The following PKP4 variants were observed in gnomAD, a reference collection of about 807,000 sequenced individuals.
PKP4 encodes the protein plakophilin-4.
A neutral mutation model predicts 145.1 loss-of-function variants in PKP4; 90 were observed. The ratio of observed to expected loss-of-function variants is 0.62; its 90% CI spans 0.52 to 0.74. PKP4 has a LOEUF of 0.74. Among genes scored for constraint, PKP4 ranks in the 30% least tolerant of loss-of-function variants. The probability of loss-of-function intolerance (pLI) is 0.00; values close to 1 mark genes in which losing one functional copy is unlikely to be tolerated. For synonymous variants in PKP4, 563 were observed against 577.2 expected (o/e 0.98, Z 0.35); for missense variants, 1,340 against 1,482.7 (o/e 0.90, Z 1.58).
In PKP4 at chr2:158,613,758, A is replaced by G. The variant is rs553729888; in HGVS notation, c.281-7232A>G. On this transcript the variant is annotated intron_variant, in intron 4 of 21. Coordinates refer to ENST00000389759, the MANE Select transcript of PKP4 (RefSeq NM_003628.6). ...TTGTAATGTGAAAGGTGTGATGTAC[A>G]TGGCACCATTCATAAAGTATGCTAC... is the stretch of plus-strand genomic sequence containing the variant. Among the ~76,000 whole-genome samples the G allele has an allele frequency of 1.0e-3, 154 of 152,310 alleles. No individual in the cohort carries two copies. The Middle Eastern group carries it at 0.01, about 10-fold the overall frequency.
At chr2:158,463,051 A>G (rs1559172696) in intron 1 of PKP4, among the ~76,000 whole-genome samples, 1 of 152,202 alleles carries the variant, frequency 6.6e-6, no homozygotes, top group African/African-American at 2.4e-5. Context: ...TTTCAACAGG[A>G]TATTTCAGAG....
intron 17 of PKP4, among the ~76,000 whole-genome samples, chr2:158,670,324 C>A (rs558840187): frequency 1.8e-4 from 27 of 152,238 alleles, no homozygotes; most frequent in African/African-American, 5.1e-4. Context: ...ATAGATGGTG[C>A]CTTTCAGCTG....
At chr2:158,480,469 T>A (rs1465987377) in intron 1 of PKP4, among the ~76,000 whole-genome samples, 1 of 151,810 alleles carries the variant, frequency 6.6e-6, no homozygotes, top group Non-Finnish European at 1.5e-5. Context: ...ACTACTGACC[T>A]CAAGTGATTC....
chr2:158,656,176 G>A (rs2528586), intron 11 of PKP4, among the ~76,000 whole-genome samples: 126,025 of 152,056 alleles, frequency 0.83, 53,512 homozygotes, highest in East Asian at 0.97. Flanking sequence ...TTCTTCCTCA[G>A]TTCCTCACAT....
chr2:158,659,563 G>A (rs554982452), intron 12 of PKP4: 1 of 152,350 alleles, frequency 6.6e-6, no homozygotes, highest in Non-Finnish European at 1.5e-5. Flanking sequence ...CAAATAGGGT[G>A]ATGTGAGGGT....
chr2:158,529,867 T>C (rs2043360661), intron 1 of PKP4, among the ~76,000 whole-genome samples: 1 of 152,186 alleles, frequency 6.6e-6, no homozygotes, highest in Non-Finnish European at 1.5e-5. Context: ...TCTGCCAAAT[T>C]CCATATTCTT....
intron 2 of PKP4, among the ~76,000 whole-genome samples, chr2:158,555,533 C>T (rs950572811): frequency 2.0e-5 from 3 of 152,198 alleles, no homozygotes; most frequent in Non-Finnish European, 4.4e-5. Flanking sequence ...AAATGCTTCT[C>T]TGTTCTTTGA....
chr2:158,470,013 C>G (rs1691299069), intron 1 of PKP4, among the ~76,000 whole-genome samples: 2 of 152,200 alleles, frequency 1.3e-5, no homozygotes, highest in South Asian at 4.1e-4. Context: ...AACCTTCCCA[C>G]CTGTGCTTGT....
intron 1 of PKP4, among the ~76,000 whole-genome samples, chr2:158,493,969 A>G (rs1464552749): frequency 1.3e-5 from 2 of 152,196 alleles, no homozygotes; most frequent in African/African-American, 4.8e-5. Flanking sequence ...AAATGAATGG[A>G]GTCCAGGGGT....
chr2:158,621,747 A>G (rs2052281541), intron 6 of PKP4, among the ~76,000 whole-genome samples: 1 of 151,670 alleles, frequency 6.6e-6, no homozygotes, highest in Admixed American at 6.6e-5. Context: ...CTCCGTCTCA[A>G]AACAAAAAAA....
chr2:158,556,861 T>C (rs1482690223), intron 2 of PKP4, among the ~76,000 whole-genome samples: 2 of 152,214 alleles, frequency 1.3e-5, no homozygotes, highest in African/African-American at 4.8e-5. Context: ...AGCCAGGTAG[T>C]GAGACCTCTG....
intron 2 of PKP4, among the ~76,000 whole-genome samples, chr2:158,574,936 A>G (rs1202199053): frequency 6.6e-6 from 1 of 152,234 alleles, no homozygotes; most frequent in African/African-American, 2.4e-5. Flanking sequence ...GCAACTCAAG[A>G]ACTGTAAATT....
chr2:158,677,936 A>G (rs1189868163), intron 20 of PKP4, among the ~76,000 whole-genome samples: 2 of 152,222 alleles, frequency 1.3e-5, no homozygotes, highest in Admixed American at 6.5e-5. Context: ...TCCTCATTAA[A>G]AAAATAAAAA....
At chr2:158,477,308 C>T (rs1019986747) in intron 1 of PKP4, among the ~76,000 whole-genome samples, 1 of 152,118 alleles carries the variant, frequency 6.6e-6, no homozygotes, top group Non-Finnish European at 1.5e-5. Context: ...TATCAGAAGG[C>T]CTGGGCTAGG....
intron 1 of PKP4, among the ~76,000 whole-genome samples, chr2:158,522,622 GA>G (rs1170359838): frequency 6.6e-6 from 1 of 152,216 alleles, no homozygotes. Context: ...CCTGGAGGGG[GA>G]GGAGCCAAGA....
intron 2 of PKP4, chr2:158,548,320 A>G (rs2045274832): frequency 6.6e-6 from 1 of 152,214 alleles, no homozygotes. Context: ...AACCCTGTGG[A>G]GAAATTTAAT....
At chr2:158,593,027 CAT>C (rs2049409223) in intron 3 of PKP4, among the ~76,000 whole-genome samples, 1 of 152,130 alleles carries the variant, frequency 6.6e-6, no homozygotes, top group Non-Finnish European at 1.5e-5. Flanking sequence ...ACAAGTATAA[CAT>C]ATAGATGCTT....
At chr2:158,581,058 G>A (rs1466930387) in intron 3 of PKP4, among the ~76,000 whole-genome samples, 1 of 152,154 alleles carries the variant, frequency 6.6e-6, no homozygotes, top group Non-Finnish European at 1.5e-5. Flanking sequence ...ATGTAAAGGT[G>A]CTTTGCCATT....
intron 16 of PKP4, among the ~76,000 whole-genome samples, chr2:158,668,980 C>A (rs1472440562): frequency 1.3e-5 from 2 of 152,148 alleles, no homozygotes; most frequent in East Asian, 1.9e-4. Context: ...GAGGTAATCT[C>A]TTTTTGGAGA....
Sources: gnomAD v4.1 joint callset for allele counts (sites outside exome capture counted in the v4.1 genomes callset) on GRCh38, gnomAD v4.1.1 for gene constraint, MANE v1.5 for transcripts, NCBI Gene and HGNC (gene_info 2026-07-23, HGNC 2026-07-21) for gene names.